The following SYNE2 variants were observed in gnomAD, a reference collection of about 807,000 sequenced individuals.
SYNE2 encodes nesprin-2.
Under a neutral mutation model 856.3 loss-of-function variants are expected in SYNE2, and 431 were observed. The observed-to-expected ratio is 0.50, with a 90% CI of 0.47 to 0.55. The LOEUF (loss-of-function observed/expected upper bound fraction) is 0.55. Among genes scored for constraint, SYNE2 ranks in the 20% least tolerant of loss-of-function variants. The pLI, the probability that SYNE2 is intolerant of heterozygous loss-of-function variation, is 0.00. For synonymous variants in SYNE2, 2,923 were observed against 2,872.3 expected (o/e 1.02, Z -0.56); for missense variants, 8,129 against 8,023.2 (o/e 1.01, Z -0.50).
In SYNE2 at chr14:64,215,553, G is replaced by C. The variant is rs983702971; in HGVS notation, c.19402+199G>C. On this transcript the variant is annotated intron_variant, in intron 107 of 115. Transcript: ENST00000555002. ...ACAAAACCCCATCCAAGCCAGAGCC[G>C]TCTCGATGCCAACCCCCTCTCCTCC... The C allele has an allele frequency of 1.1e-4, 72 of 646,708 alleles. No homozygotes were observed. In the African/African-American group the frequency reaches 1.1e-3, roughly 10 times the overall value. The allele number at this position is 646,708 out of a possible 1,614,324, so 40.1% of individuals were successfully genotyped here.
At chr14:64,053,796 T>C (rs2097247028) in intron 48 of SYNE2, 139 bp downstream of exon 48, 1 of 760,252 alleles carries the variant, frequency 1.3e-6, no homozygotes, top group Non-Finnish European at 2.1e-6. Context: ...AAACTGCATG[T>C]ATACTAAAAA....
intron 1 of SYNE2, among the ~76,000 whole-genome samples, chr14:63,869,976 C>T (rs1896465695): frequency 6.6e-6 from 1 of 152,196 alleles, no homozygotes; most frequent in Non-Finnish European, 1.5e-5. Context: ...GTCTTCATCA[C>T]TCACCTGAAT....
At chr14:63,866,374 T>TTA (rs1895322029) in intron 1 of SYNE2, among the ~76,000 whole-genome samples, 1 of 152,152 alleles carries the variant, frequency 6.6e-6, no homozygotes, top group African/African-American at 2.4e-5. Context: ...TTTAAAACAC[T>TTA]TATTTTGGCC....
chr14:63,830,263 G>T (rs1269684724), intron 1 of SYNE2, among the ~76,000 whole-genome samples: 1 of 150,504 alleles, frequency 6.6e-6, no homozygotes, highest in Admixed American at 6.6e-5. Flanking sequence ...AACAGTGTGA[G>T]GTTTTTTTTT....
At chr14:64,027,181 A>G (rs565160469) in intron 42 of SYNE2, among the ~76,000 whole-genome samples, 28 of 152,322 alleles carry the variant, frequency 1.8e-4, no homozygotes, top group Non-Finnish European at 3.2e-4. Flanking sequence ...GAAGAAGTAA[A>G]GTATGGGAAA....
At chr14:63,978,789 A>G in intron 13 of SYNE2, 63 bp from the exon 14 acceptor site, 1 of 1,411,484 alleles carries the variant, frequency 7.1e-7, no homozygotes, top group Non-Finnish European at 9.9e-7. Flanking sequence ...AAAATGCTGA[A>G]CAGATTTCTC....
chr14:64,106,060 AAAAG>A (rs1286866384), intron 64 of SYNE2, among the ~76,000 whole-genome samples: 56 of 151,822 alleles, frequency 3.7e-4, no homozygotes, highest in Non-Finnish European at 5.2e-4. Flanking sequence ...AAAAAAAAAA[AAAAG>A]AAAGAAAGAA....
Position 64,215,349 on chromosome 14 carries a change from C to T in SYNE2, c.19397C>T (p.Ser6466Phe). The change falls in exon 107 of 116, where the codon TCT (serine) becomes TTT (phenylalanine). Residue 6466 changes from serine to phenylalanine, a missense_variant. Ser to Phe is a radical substitution (Grantham distance 155, BLOSUM62 -2). This residue lies in a region of SYNE2 where 5,410 missense variants were observed against 5,284.8 expected (regional missense o/e 1.02). Coordinates refer to ENST00000555002, the MANE Select transcript of SYNE2 (RefSeq NM_182914.3). The stretch of plus-strand genomic sequence containing the variant: ...ATGACCACAAAAACTTTGAAAGCGT[C>T]TTCTGGTAGGCCCCCGCCCATGCAT... ...LKMTTKTLKASSGKSISDGHS... is the reference protein window; with the variant it reads ...LKMTTKTLKAFSGKSISDGHS... The T allele has an allele frequency of 6.2e-7, 1 of 1,614,074 alleles. No individual in the cohort carries two copies. The highest frequency in any genetic ancestry group is 8.5e-7 in the Non-Finnish European group (1 of 1,180,018).
intron 67 of SYNE2, among the ~76,000 whole-genome samples, 162 bp downstream of exon 67, chr14:64,119,771 A>G (rs2097884038): frequency 6.6e-5 from 10 of 152,128 alleles, no homozygotes; most frequent in Admixed American, 6.5e-4. Context: ...CTGGCTTGTT[A>G]TTTTTATTTC....
At chr14:64,156,952 G>A (rs1012422569) in intron 85 of SYNE2, among the ~76,000 whole-genome samples, 6 of 152,146 alleles carry the variant, frequency 3.9e-5, no homozygotes, top group Admixed American at 6.5e-5. Flanking sequence ...AGCATTCCTT[G>A]TAGTTATTAA....
At chr14:64,076,189 C>A in intron 54 of SYNE2, 89 bp downstream of exon 54, 3 of 1,449,112 alleles carry the variant, frequency 2.1e-6, no homozygotes, top group Non-Finnish European at 2.9e-6. Flanking sequence ...ATTCCATTTG[C>A]CAGGATTTCA....
chr14:63,876,289 C>A (rs184500091), intron 1 of SYNE2, among the ~76,000 whole-genome samples: 6 of 150,424 alleles, frequency 4.0e-5, no homozygotes, highest in Admixed American at 1.3e-4. Flanking sequence ...TGTTGGCACA[C>A]GCCTGTAATT....
chr14:64,078,299 G>T (rs1463018626), intron 54 of SYNE2, among the ~76,000 whole-genome samples, 167 bp from the exon 55 acceptor site: 3 of 152,134 alleles, frequency 2.0e-5, no homozygotes, highest in Admixed American at 1.3e-4. Context: ...CCATTTATTA[G>T]TCTTCCTATC....
At chr14:63,783,627 A>G (rs553627733) in intron 1 of SYNE2, among the ~76,000 whole-genome samples, 1 of 152,304 alleles carries the variant, frequency 6.6e-6, no homozygotes, top group East Asian at 1.9e-4. Context: ...CATAACCTGA[A>G]TCTAATTATG....
Position 64,167,650 on chromosome 14 carries a change from G to A in SYNE2, c.16905+11G>A. 6.2e-7 allele frequency: 1 copy of A among 1,614,184 alleles called. No homozygotes were observed. Among genetic ancestry groups the A allele is most frequent in the Non-Finnish European group, 8.5e-7 (1 of 1,180,022 alleles). The stretch of plus-strand genomic sequence containing the variant: ...CAGAAAACCTATAAGGTAAACCTGT[G>A]TTCTCTGCCACCCTTGAACCGCTCA... On this transcript the variant is annotated intron_variant, in intron 92 of 115. Coordinates refer to ENST00000555002, the MANE Select transcript of SYNE2 (RefSeq NM_182914.3).
At chr14:64,070,084 G>C (rs116850019) in intron 51 of SYNE2, among the ~76,000 whole-genome samples, 1 of 152,186 alleles carries the variant, frequency 6.6e-6, no homozygotes, top group Non-Finnish European at 1.5e-5. Flanking sequence ...TTCTAGATAT[G>C]TGATGTAATA....
At chr14:64,209,130 C>T in intron 101 of SYNE2, 185 bp downstream of exon 101, 2 of 917,930 alleles carry the variant, frequency 2.2e-6, no homozygotes, top group African/African-American at 1.6e-5. Flanking sequence ...ATGTCTCTCC[C>T]CAGCTGTCCT....
At chr14:64,138,895 G>C (rs1171191974) in intron 79 of SYNE2, among the ~76,000 whole-genome samples, 1 of 150,304 alleles carries the variant, frequency 6.7e-6, no homozygotes, top group East Asian at 2.0e-4. Context: ...TTGTTATACA[G>C]CTTATACAAA....
At chr14:63,837,918 C>CAA (rs34952817) in intron 1 of SYNE2, among the ~76,000 whole-genome samples, 28,299 of 61,570 alleles carry the variant, frequency 0.46, 6,769 homozygotes, top group South Asian at 0.56. Context: ...GACTCTGTTT[C>CAA]AAAAAAAAAA....
Sources: allele counts gnomAD v4.1 joint callset (sites outside exome capture counted in the v4.1 genomes callset), GRCh38; gene constraint gnomAD v4.1.1; regional missense constraint gnomAD v4.1.1; transcripts MANE v1.5; gene names NCBI Gene and HGNC (gene_info 2026-07-23, HGNC 2026-07-21).